The following IL3RA variants were observed in gnomAD, a reference collection of about 807,000 sequenced individuals.
IL3RA encodes the protein interleukin 3 receptor subunit alpha, also known as interleukin-3 receptor subunit alpha.
In IL3RA, 73 loss-of-function variants were observed where a neutral mutation model predicts 52.3. The ratio of observed to expected loss-of-function variants is 1.40; its 90% confidence interval spans 1.16 to 1.70. IL3RA has a LOEUF of 1.70. IL3RA is among the 40% of genes most tolerant of loss of function. The pLI is 0.00. For synonymous variants in IL3RA, 260 were observed against 194.0 expected (o/e 1.34, Z -2.83); for missense variants, 664 against 504.4 (o/e 1.32, Z -3.03).
chrX:1,343,435 C>A (rs1441631864), intron 2 of IL3RA, among the ~76,000 whole-genome samples: 1 of 151,726 alleles, frequency 6.6e-6, no homozygotes, highest in African/African-American at 2.4e-5. Flanking sequence ...GAGGCTGAGG[C>A]GGGTGGATCA....
intron 8 of IL3RA, among the ~76,000 whole-genome samples, chrX:1,362,032 C>T: frequency 6.6e-6 from 1 of 152,084 alleles, no homozygotes; most frequent in South Asian, 2.1e-4. Flanking sequence ...TTCTTTCCCT[C>T]TCTCTGTCTC....
At chrX:1,362,393 T>C (rs2087507666) in intron 8 of IL3RA, among the ~76,000 whole-genome samples, 1 of 150,780 alleles carries the variant, frequency 6.6e-6, no homozygotes, top group African/African-American at 2.5e-5. Flanking sequence ...CTCTGTCTGT[T>C]TCTGTTTTTC....
intron 3 of IL3RA, among the ~76,000 whole-genome samples, chrX:1,347,889 T>A (rs1461343309): frequency 6.0e-5 from 9 of 150,260 alleles, no homozygotes; most frequent in African/African-American, 2.2e-4. Context: ...ATATAAAAAT[T>A]AGCCGGGCGT....
At chrX:1,377,118 G>A (rs2088812728) in intron 9 of IL3RA, among the ~76,000 whole-genome samples, 1 of 151,808 alleles carries the variant, frequency 6.6e-6, no homozygotes, top group Non-Finnish European at 1.5e-5. Context: ...AGAAGACGGG[G>A]TCTCCAAGCC....
At chrX:1,381,959 T>C (rs1312836296) in intron 11 of IL3RA, among the ~76,000 whole-genome samples, 23 of 151,482 alleles carry the variant, frequency 1.5e-4, no homozygotes, top group African/African-American at 5.1e-4. Context: ...TTTGTTTTTG[T>C]TTTTGAGACG....
intron 2 of IL3RA, among the ~76,000 whole-genome samples, chrX:1,344,629 C>T (rs745796041): frequency 2.8e-4 from 41 of 148,688 alleles, no homozygotes; most frequent in South Asian, 6.4e-4. Context: ...AAAAATTAGC[C>T]GGGCGTGGTG....
intron 1 of IL3RA, among the ~76,000 whole-genome samples, chrX:1,340,934 C>T (rs1231757953): frequency 2.0e-5 from 3 of 152,074 alleles, no homozygotes; most frequent in African/African-American, 7.2e-5. Context: ...CTGGCCAACA[C>T]GGTGAAACCC....
intron 10 of IL3RA, among the ~76,000 whole-genome samples, chrX:1,379,328 G>C (rs1318450668): frequency 6.6e-6 from 1 of 151,890 alleles, no homozygotes; most frequent in Non-Finnish European, 1.5e-5. Flanking sequence ...ACTAATTCTT[G>C]TATTTTTAGT....
intron 11 of IL3RA, among the ~76,000 whole-genome samples, chrX:1,382,098 T>C (rs1335402333): frequency 1.3e-5 from 2 of 150,670 alleles, no homozygotes; most frequent in Admixed American, 6.6e-5. Flanking sequence ...ACTACAGGCA[T>C]GCACCAACAC....
chrX:1,352,543 CTG>C (rs369559967), intron 6 of IL3RA, 37 bp downstream of exon 6: 14 of 1,597,656 alleles, frequency 8.8e-6, no homozygotes, highest in African/African-American at 8.0e-5. Context: ...ACCCTCAGTT[CTG>C]TGATACCACG....
chrX:1,341,449 T>C (rs1172884616), intron 1 of IL3RA, among the ~76,000 whole-genome samples: 1 of 150,444 alleles, frequency 6.6e-6, no homozygotes, highest in Non-Finnish European at 1.5e-5. Flanking sequence ...GTCCTGCAAA[T>C]GTGCAAACAG....
At chrX:1,359,283 C>G (rs2086981758) in intron 8 of IL3RA, among the ~76,000 whole-genome samples, 1 of 152,042 alleles carries the variant, frequency 6.6e-6, no homozygotes, top group Admixed American at 6.6e-5. Flanking sequence ...CAAACCATAG[C>G]TCCACCCAGC....
chrX:1,346,731 C>T (rs1252813231), intron 3 of IL3RA, among the ~76,000 whole-genome samples: 1 of 151,476 alleles, frequency 6.6e-6, no homozygotes, highest in African/African-American at 2.4e-5. Flanking sequence ...GGTTTGAGAA[C>T]AGCGCCAGAC....
At chrX:1,351,689 C>T (rs1158577049) in intron 4 of IL3RA, among the ~76,000 whole-genome samples, 89 of 149,426 alleles carry the variant, frequency 6.0e-4, no homozygotes, top group African/African-American at 2.2e-3. Flanking sequence ...AGTGCAGTGG[C>T]GTGATCTCAG....
At chrX:1,355,722 G>C (rs2086658047) in intron 6 of IL3RA, among the ~76,000 whole-genome samples, 1 of 151,960 alleles carries the variant, frequency 6.6e-6, no homozygotes, top group South Asian at 2.1e-4. Context: ...ATGTGTGCAG[G>C]TCAAAGTGTA....
At chrX:1,348,694 T>TTTCTCTC (rs1569520730) in intron 4 of IL3RA, 149 bp downstream of exon 4, 1 of 271,242 alleles carries the variant, frequency 3.7e-6, no homozygotes, top group Non-Finnish European at 6.5e-6. Context: ...TTCTTTCTTT[T>TTTCTCTC]TCTTTCTTTC....
intron 2 of IL3RA, among the ~76,000 whole-genome samples, chrX:1,344,402 C>G (rs1375490660): frequency 6.6e-6 from 1 of 151,672 alleles, no homozygotes. Flanking sequence ...CCACTGAATT[C>G]CAGCCTGGGC....
At chrX:1,363,173 A>T (rs1240022368) in intron 8 of IL3RA, among the ~76,000 whole-genome samples, 1 of 152,162 alleles carries the variant, frequency 6.6e-6, no homozygotes, top group Non-Finnish European at 1.5e-5. Flanking sequence ...GACATCTGCC[A>T]TGAACAGGTA....
Position 1,356,282 on chromosome X carries a change from G to C in IL3RA, c.678G>C (p.Trp226Cys). 6 of 1,613,618 alleles carry C rather than the reference G, an allele frequency of 3.7e-6. No individual in the cohort carries two copies. Among genetic ancestry groups the C allele is most frequent in the Non-Finnish European group, 5.1e-6 (6 of 1,179,772 alleles). ...KCNKTHSFMH[W>C]KMRSHFNRKF... ...ATAAGACACATTCCTTTATGCACTG[G>C]AAAATGAGAAGTCATTTCAATCGCA... is the stretch of plus-strand genomic sequence containing the variant. Residue 226 changes from tryptophan to cysteine, a missense_variant, in exon 7 of 12, where the codon TGG (tryptophan) becomes TGC (cysteine). Coordinates refer to ENST00000331035, the MANE Select transcript of IL3RA (RefSeq NM_002183.4).
Sources: gnomAD v4.1 joint callset for allele counts (sites outside exome capture counted in the v4.1 genomes callset) on GRCh38, gnomAD v4.1.1 for gene constraint, MANE v1.5 for transcripts, NCBI Gene and HGNC (gene_info 2026-07-23, HGNC 2026-07-21) for gene names.